FANCL: variants seen among roughly 807,000 people sequenced by gnomAD.
FANCL encodes FA complementation group L, also known as E3 ubiquitin-protein ligase FANCL.
In FANCL, 69 loss-of-function variants were observed where a neutral mutation model predicts 59.4. The observed-to-expected ratio is 1.16, with a 90% CI of 0.96 to 1.42. The LOEUF is 1.42. Ranked by LOEUF, FANCL falls within the 40% of genes most tolerant of loss-of-function variation. The pLI is 0.00. For missense variants in FANCL, 519 were observed against 447.2 expected (o/e 1.16, Z -1.45); for synonymous variants, 180 against 147.1 (o/e 1.22, Z -1.62).
chr2:58,240,360 T>C (rs963758291), intron 1 of FANCL, among the ~76,000 whole-genome samples: 4 of 152,078 alleles, frequency 2.6e-5, no homozygotes, highest in Non-Finnish European at 5.9e-5. Flanking sequence ...TTGAGTGTAA[T>C]GGTCAGAAAG....
intron 6 of FANCL, among the ~76,000 whole-genome samples, chr2:58,201,090 T>C (rs1039433188): frequency 1.1e-4 from 17 of 150,644 alleles, no homozygotes; most frequent in East Asian, 5.8e-4. Flanking sequence ...ATTTTCAGAA[T>C]AGCTTCTGAA....
intron 5 of FANCL, among the ~76,000 whole-genome samples, chr2:58,208,261 T>G (rs191969898): frequency 2.6e-4 from 40 of 152,308 alleles, no homozygotes; most frequent in Admixed American, 4.6e-4. Context: ...AGAAGGAGTT[T>G]AGATATTATC....
At position 58,163,074 on chromosome 2, in the gene FANCL, A is replaced by G. The variant is rs1243076716; in HGVS notation, c.776T>C (p.Val259Ala). 8 of 1,610,186 alleles carry G rather than the reference A, an allele frequency of 5.0e-6. No individual in the cohort carries two copies. The South Asian group carries it at 6.6e-5, about 13-fold the overall frequency. ...PECFFLGADH[V>A]VKPLGIKLSR... ...CAGCTTAATTCCCAGGGGTTTTACC[A>G]CTTCAGATTAAAAAAAAAAAATTTA... The change falls in exon 10 of 14, where the codon GTG (valine) becomes GCG (alanine). Residue 259 changes from valine to alanine, a missense_variant and splice_region_variant. By Grantham distance (64) the Val-to-Ala change is moderately conservative. Coordinates refer to ENST00000233741, the MANE Select transcript of FANCL (RefSeq NM_018062.4).
At chr2:58,197,135 T>A (rs1463623747) in intron 7 of FANCL, among the ~76,000 whole-genome samples, 1 of 151,298 alleles carries the variant, frequency 6.6e-6, no homozygotes, top group African/African-American at 2.4e-5. Context: ...TCAACTTCCA[T>A]TGTGGGGAGA....
intron 8 of FANCL, among the ~76,000 whole-genome samples, chr2:58,164,000 AAC>A (rs1375305167): frequency 6.6e-6 from 1 of 152,064 alleles, no homozygotes; most frequent in Non-Finnish European, 1.5e-5. Context: ...AATTTATAAA[AAC>A]ATTTTCTGTA....
At chr2:58,161,731 T>C (rs2104785224) in intron 11 of FANCL, 93 bp from the exon 12 acceptor site, 2 of 773,696 alleles carry the variant, frequency 2.6e-6, no homozygotes, top group Non-Finnish European at 4.6e-6. Context: ...TTTTGATACA[T>C]GTATACAGTG....
At chr2:58,176,422 C>T (rs1687320679) in intron 7 of FANCL, among the ~76,000 whole-genome samples, 1 of 151,688 alleles carries the variant, frequency 6.6e-6, no homozygotes, top group African/African-American at 2.4e-5. Context: ...GTACTGGTAC[C>T]AAAACAGAGA....
intron 7 of FANCL, among the ~76,000 whole-genome samples, chr2:58,184,801 C>T (rs942503525): frequency 1.3e-5 from 2 of 152,020 alleles, no homozygotes; most frequent in East Asian, 1.9e-4. Flanking sequence ...TTCTCAGCAA[C>T]GTCCTGACCT....
chr2:58,216,047 G>C lies in FANCL; in HGVS notation c.374+5895C>G, dbSNP rs972469218. Among the ~76,000 whole-genome samples the C allele has an allele frequency of 2.0e-5, 3 of 152,150 alleles. No homozygotes were observed. The East Asian group carries it at 5.8e-4, about 29-fold the overall frequency. ...CCTAAAAGCAATGCTAACAAAAAGT[G>C]ATAGAGCTTTGTCAAAAATGGACCC... On this transcript the variant is annotated intron_variant, in intron 5 of 13. Coordinates refer to ENST00000233741, the MANE Select transcript of FANCL (RefSeq NM_018062.4).
At chr2:58,168,028 T>A (rs945758376) in intron 7 of FANCL, among the ~76,000 whole-genome samples, 1 of 152,196 alleles carries the variant, frequency 6.6e-6, no homozygotes, top group Non-Finnish European at 1.5e-5. Flanking sequence ...ATACTTTATA[T>A]ACAGCACCAC....
intron 7 of FANCL, among the ~76,000 whole-genome samples, chr2:58,177,804 A>G (rs1437690151): frequency 2.0e-5 from 3 of 151,030 alleles, no homozygotes; most frequent in African/African-American, 7.3e-5. Flanking sequence ...AAAAAAAAAG[A>G]AAAAGAAAAA....
At position 58,217,201 on chromosome 2, in the gene FANCL, T is replaced by A. The variant is rs6724359; in HGVS notation, c.374+4741A>T. On this transcript the variant is annotated intron_variant, in intron 5 of 13. Coordinates refer to ENST00000233741, the MANE Select transcript of FANCL (RefSeq NM_018062.4). ...ATATATATATATATATATATATATA[T>A]ATATATATATATATACACACACACA... 5.7e-4 allele frequency among the ~76,000 whole-genome samples: 7 copies of A among 12,302 alleles called. No homozygotes were observed. In the Admixed American group the frequency reaches 9.5e-3, roughly 17 times the overall value. The allele number at this position is 12,302 out of a possible 152,430, so 8.1% of individuals were successfully genotyped here. A position where few individuals can be genotyped will look rare whatever the true frequency, so the allele number is the denominator to read the frequency against.
At chr2:58,229,238 A>C (rs893135837) in intron 3 of FANCL, among the ~76,000 whole-genome samples, 1 of 152,214 alleles carries the variant, frequency 6.6e-6, no homozygotes, top group Non-Finnish European at 1.5e-5. Context: ...ATTTTTCTAA[A>C]AGAAGAATTA....
At chr2:58,193,820 C>T (rs892009812) in intron 7 of FANCL, among the ~76,000 whole-genome samples, 1 of 152,040 alleles carries the variant, frequency 6.6e-6, no homozygotes, top group Admixed American at 6.6e-5. Context: ...TTTACATATC[C>T]ATGAAAAGAA....
chr2:58,192,622 T>C (rs1437004221), intron 7 of FANCL, among the ~76,000 whole-genome samples: 2 of 151,906 alleles, frequency 1.3e-5, no homozygotes, highest in African/African-American at 4.8e-5. Context: ...CAAATTACAA[T>C]ATAGTTATTT....
intron 7 of FANCL, among the ~76,000 whole-genome samples, chr2:58,179,422 A>G (rs902511178): frequency 6.6e-6 from 1 of 152,188 alleles, no homozygotes; most frequent in Non-Finnish European, 1.5e-5. Flanking sequence ...GGCCTCAGAA[A>G]TAACGCCACA....
chr2:58,239,492 G>A (rs1380446127), intron 1 of FANCL, among the ~76,000 whole-genome samples: 1 of 152,126 alleles, frequency 6.6e-6, no homozygotes, highest in Non-Finnish European at 1.5e-5. Flanking sequence ...ATTGTTCCAG[G>A]TTAGACATGA....
chr2:58,197,595 T>G (rs928102824), intron 7 of FANCL, among the ~76,000 whole-genome samples: 1 of 152,192 alleles, frequency 6.6e-6, no homozygotes, highest in Non-Finnish European at 1.5e-5. Flanking sequence ...ATCTATGTTA[T>G]AGTTTACAGT....
In FANCL at chr2:58,241,294, C is replaced by G. The variant is rs376224867; in HGVS notation, c.20G>C (p.Ser7Thr). The G allele has an allele frequency of 1.1e-5, 18 of 1,614,128 alleles. No homozygotes were observed. The highest frequency in any genetic ancestry group is 3.3e-4 in the Middle Eastern group (2 of 6,082). ...AAGCAGGGGGCACTGGCGCAACAGG[C>G]TCGCTTCCGTCACCGCCATGGCTCG... MAVTEA[S>T]LLRQCPLLLP... The change falls in exon 1 of 14, where the codon AGC becomes ACC. Residue 7 changes from serine (S) to threonine (T), a missense_variant. Transcript: ENST00000233741.
Sources: allele counts gnomAD v4.1 joint callset (sites outside exome capture counted in the v4.1 genomes callset), GRCh38; gene constraint gnomAD v4.1.1; transcripts MANE v1.5; gene names NCBI Gene and HGNC (gene_info 2026-07-23, HGNC 2026-07-21).